Variants in CSN1S1 observed in about 807,000 individuals in gnomAD.
CSN1S1 encodes casein alpha s1, also known as alpha-S1-casein.
Under a neutral mutation model 49.1 loss-of-function variants are expected in CSN1S1, and 63 were observed. That is an observed-to-expected ratio of 1.28 (90% CI 1.05 to 1.58). CSN1S1 has a LOEUF of 1.58. CSN1S1 is among the 40% of genes most tolerant of loss of function. CSN1S1 has a pLI of 0.00. For synonymous variants in CSN1S1, 78 were observed against 67.1 expected (o/e 1.16, Z -0.79); for missense variants, 260 against 224.7 (o/e 1.16, Z -1.01).
At chr4:69,945,536 A>C (rs1375290222) in intron 15 of CSN1S1, among the ~76,000 whole-genome samples, 2 of 152,034 alleles carry the variant, frequency 1.3e-5, no homozygotes, top group Admixed American at 6.6e-5. Flanking sequence ...ATTGTGGGCA[A>C]AATAAACACT....
intron 8 of CSN1S1, 23 bp from the exon 9 acceptor site, chr4:69,937,777 T>TTGA: frequency 6.3e-7 from 1 of 1,575,676 alleles, no homozygotes; most frequent in Non-Finnish European, 8.6e-7. Context: ...AAAAATGAAA[T>TTGA]TGATTATTTT....
chr4:69,946,132 G>A, intron 15 of CSN1S1, 64 bp from the exon 16 acceptor site: 1 of 452,518 alleles, frequency 2.2e-6, no homozygotes. Context: ...TCTACCATAA[G>A]AGCTTTTCTT....
At chr4:69,942,268 G>A (rs1226550632) in intron 13 of CSN1S1, among the ~76,000 whole-genome samples, 1 of 151,858 alleles carries the variant, frequency 6.6e-6, no homozygotes, top group Non-Finnish European at 1.5e-5. Context: ...TAGTCCTAGA[G>A]AAATGGTAGG....
In CSN1S1 at chr4:69,946,055, C is replaced by G. The variant is rs1012935865; in HGVS notation, c.*-141C>G. The G allele has an allele frequency of 1.3e-4, 44 of 327,362 alleles. No individual in the cohort carries two copies. The East Asian group carries it at 1.8e-3, about 13-fold the overall frequency. 20.3% of individuals were successfully genotyped at this position (327,362 alleles called of 1,614,324 possible). On this transcript the variant is annotated intron_variant, in intron 15 of 15. Coordinates refer to ENST00000246891, the MANE Select transcript of CSN1S1 (RefSeq NM_001890.2). The stretch of plus-strand genomic sequence containing the variant: ...AACCAAGAGCAATGGATAGGTATGT[C>G]AGTAACAGGAAAGCATAAATAACAT...
chr4:69,941,859 A>G (rs1722977634), intron 12 of CSN1S1, among the ~76,000 whole-genome samples, 187 bp from the exon 13 acceptor site: 1 of 151,886 alleles, frequency 6.6e-6, no homozygotes, highest in Admixed American at 6.6e-5. Flanking sequence ...TAGATATGAT[A>G]TGGCTAGTCT....
In CSN1S1 at chr4:69,932,603, G is replaced by A. The variant is rs370162193; in HGVS notation, c.48G>A (p.Arg16=). ...GTCTTGTGGCTGTTGCTCTTGCCAG[G>A]CCTGTAAGTTCAGTAGAGAATTTAG... ...LTCLVAVALA[R]PKLPLRYPER... is the part of the protein sequence containing the mutation. Residue 16 remains arginine (R), a synonymous_variant, in exon 2 of 16, where the codon AGG becomes AGA. Coordinates refer to ENST00000246891, the MANE Select transcript of CSN1S1 (RefSeq NM_001890.2). 4.9e-5 allele frequency: 79 copies of A among 1,596,836 alleles called. No individual in the cohort carries two copies. The African/African-American group carries it at 8.3e-4, about 17-fold the overall frequency.
intron 14 of CSN1S1, among the ~76,000 whole-genome samples, chr4:69,944,044 A>G (rs1376570561): frequency 6.6e-6 from 1 of 151,886 alleles, no homozygotes; most frequent in Non-Finnish European, 1.5e-5. Flanking sequence ...TATTAAGAAC[A>G]GGGCCAGTTC....
At chr4:69,945,723 T>A (rs191286853) in intron 15 of CSN1S1, among the ~76,000 whole-genome samples, 1 of 152,110 alleles carries the variant, frequency 6.6e-6, no homozygotes, top group Admixed American at 6.6e-5. Context: ...TGATCTTATT[T>A]TTTATGGTCA....
At chr4:69,943,014 G>T (rs79272763) in intron 14 of CSN1S1, among the ~76,000 whole-genome samples, 1,596 of 148,258 alleles carry the variant, frequency 0.011, 19 homozygotes, top group East Asian at 0.034. Context: ...GAAACTTTTA[G>T]TTCCTCACAG....
intron 7 of CSN1S1, 35 bp from the exon 8 acceptor site, chr4:69,937,086 A>G (rs1013558620): frequency 6.6e-7 from 1 of 1,517,664 alleles, no homozygotes; most frequent in African/African-American, 1.4e-5. Context: ...CTTCTTAACA[A>G]TCTGTCATAC....
In CSN1S1 at chr4:69,935,933, C is replaced by T. The variant is rs1722765552; in HGVS notation, c.113C>T (p.Pro38Leu). 7.2e-6 allele frequency: 11 copies of T among 1,532,302 alleles called. No individual in the cohort carries two copies. Among genetic ancestry groups the T allele is most frequent in the Non-Finnish European group, 8.8e-6 (10 of 1,131,854 alleles). 94.9% of individuals were successfully genotyped at this position (1,532,302 alleles called of 1,614,324 possible). Residue 38 changes from proline to leucine, a missense_variant, in exon 5 of 16, where the codon CCA becomes CTA. Pro to Leu is a moderately conservative substitution (Grantham distance 98). Transcript: ENST00000246891. ...QNPSESSEPI[P>L]LESREEYMNG... The stretch of plus-strand genomic sequence containing the variant: ...TAACTTTTTTTTTTGTAGCCTATAC[C>T]ATTAGAATCAAGAGAGGTAAGAATG...
At chr4:69,934,339 A>T in intron 3 of CSN1S1, 95 bp downstream of exon 3, 1 of 1,207,774 alleles carries the variant, frequency 8.3e-7, no homozygotes, top group Non-Finnish European at 1.2e-6. Flanking sequence ...AGCCTGCTTC[A>T]CTTTTGCTGA....
intron 4 of CSN1S1, among the ~76,000 whole-genome samples, chr4:69,935,643 A>AT (rs1186202866): frequency 4.6e-5 from 7 of 152,056 alleles, no homozygotes; most frequent in Admixed American, 3.9e-4. Flanking sequence ...CAAGATATGT[A>AT]TATGTTAAAG....
At chr4:69,946,154 T>C (rs1037769776) in intron 15 of CSN1S1, 42 bp from the exon 16 acceptor site, 1 of 486,962 alleles carries the variant, frequency 2.1e-6, no homozygotes, top group Admixed American at 3.8e-5. Context: ...TCTTCAAAAA[T>C]ATTTAATATA....
Position 69,946,340 on chromosome 4 carries a change from C to A in CSN1S1, c.*144C>A, listed in dbSNP as rs565039990. On this transcript the variant is annotated 3_prime_UTR_variant, in exon 16 of 16. Transcript: ENST00000246891. ...GTTATCTACTTAATAGCATATCATT[C>A]TTTTTCTTAAGCTAAATTTTCCTAG... 2.8e-5 allele frequency: 9 copies of A among 319,484 alleles called. No homozygotes were observed. In the South Asian group the frequency reaches 7.3e-4, roughly 26 times the overall value. 19.8% of individuals were successfully genotyped at this position (319,484 alleles called of 1,614,324 possible).
rs1352903441 is a variant in CSN1S1 at position 69,932,561 on chromosome 4, G to T, written c.6G>T (p.Arg2Ser). The change falls in exon 2 of 16, where the codon AGG becomes AGT. Residue 2 changes from arginine to serine, a missense_variant. Transcript: ENST00000246891. ...TTACATAGGCTCTGATAACCATGAG[G>T]CTTCTCATTCTCACCTGTCTTGTGG... M[R>S]LLILTCLVAV... The T allele has an allele frequency of 1.9e-6, 3 of 1,602,966 alleles. No individual in the cohort carries two copies. Among genetic ancestry groups the T allele is most frequent in the Non-Finnish European group, 2.6e-6 (3 of 1,173,680 alleles).
intron 1 of CSN1S1, 112 bp downstream of exon 1, chr4:69,931,229 A>T (rs1216136750): frequency 6.6e-6 from 1 of 151,952 alleles, no homozygotes; most frequent in African/African-American, 2.4e-5. Flanking sequence ...AAATATTAAA[A>T]CTTCTTATGA....
intron 15 of CSN1S1, 131 bp downstream of exon 15, chr4:69,945,135 T>C (rs1723122104): frequency 1.1e-6 from 1 of 898,576 alleles, no homozygotes; most frequent in Non-Finnish European, 1.7e-6. Context: ...AGGACTAATA[T>C]GTTCTGAAAT....
At position 69,940,058 on chromosome 4, in the gene CSN1S1, G is replaced by T; in HGVS notation, c.300+14G>T. 1 of 1,301,014 alleles carries T rather than the reference G, an allele frequency of 7.7e-7. No homozygotes were observed. The highest frequency in any genetic ancestry group is 1.0e-6 in the Non-Finnish European group (1 of 963,318). The allele number at this position is 1,301,014 out of a possible 1,614,324, so 80.6% of individuals were successfully genotyped here. On this transcript the variant is annotated intron_variant, in intron 11 of 15. Transcript: ENST00000246891. ...AGTAAGTGTGCGGTAAGACATATTT[G>T]CTAAATTTAAAATATATTAATATTT...
Sources: allele counts gnomAD v4.1 joint callset (sites outside exome capture counted in the v4.1 genomes callset), GRCh38; gene constraint gnomAD v4.1.1; transcripts MANE v1.5; gene names NCBI Gene and HGNC (gene_info 2026-07-23, HGNC 2026-07-21).